Variants in XRN1 observed in about 807,000 individuals in gnomAD.
XRN1 encodes strand-exchange protein 1 homolog.
XRN1 carries 67 observed loss-of-function variants against 222.3 expected under a neutral mutation model. The observed-to-expected ratio is 0.30, with a 90% confidence interval of 0.25 to 0.37. XRN1 has a LOEUF of 0.37. XRN1 is among the 10% of genes least tolerant of loss of function. XRN1 has a pLI of 1.00. For synonymous variants in XRN1, 643 were observed against 652.4 expected (o/e 0.99, Z 0.22); for missense variants, 1,707 against 2,000.2 (o/e 0.85, Z 2.80).
intron 34 of XRN1, among the ~76,000 whole-genome samples, chr3:142,333,739 T>C (rs1294400251): frequency 6.6e-6 from 1 of 152,162 alleles, no homozygotes; most frequent in African/African-American, 2.4e-5. Flanking sequence ...TGTCCTTATA[T>C]GAATAGAAAG....
intron 25 of XRN1, among the ~76,000 whole-genome samples, chr3:142,373,241 TAAATC>T (rs896300950): frequency 1.3e-5 from 2 of 151,972 alleles, no homozygotes; most frequent in African/African-American, 4.8e-5. Flanking sequence ...TTAAAATGAT[TAAATC>T]AAATAGAAAT....
chr3:142,407,558 A>C (rs1281546517), intron 15 of XRN1: 2 of 152,108 alleles, frequency 1.3e-5, no homozygotes, highest in Non-Finnish European at 2.9e-5. Flanking sequence ...TGAACTCCTG[A>C]CCTCAAGTGA....
chr3:142,321,363 C>T (rs569785668), intron 37 of XRN1, among the ~76,000 whole-genome samples: 19 of 152,202 alleles, frequency 1.2e-4, no homozygotes, highest in African/African-American at 3.6e-4. Flanking sequence ...TCAAGCGATC[C>T]GCCTGCCTCG....
rs766098276 is a variant in XRN1, at chr3:142,405,019, T to C, written c.1771A>G (p.Lys591Glu). 6.2e-7 allele frequency: 1 copy of C among 1,614,042 alleles called. No homozygotes were observed. Among genetic ancestry groups the C allele is most frequent in the African/African-American group, 1.3e-5 (1 of 75,048 alleles). ...AGGCACTCACTATGTTGGTTTCTTTTCCTCTCTTCCTTTTTGAGGGAGTGG... is the reference window on the plus strand; with the variant it reads ...AGGCACTCACTATGTTGGTTTCTTTCCCTCTCTTCCTTTTTGAGGGAGTGG... ...CNHSLKKEER[K>E]RNQHSECLMC... The change falls in exon 16 of 41, where the codon AAA (lysine) becomes GAA (glutamate). Residue 591 changes from lysine to glutamate, a missense_variant. Physicochemically the swap from Lys to Glu is moderately conservative, Grantham distance 56. Coordinates refer to ENST00000392981, the MANE Select transcript of XRN1 (RefSeq NM_001282857.2).
At chr3:142,405,351 GA>G (rs2068302254) in intron 15 of XRN1, among the ~76,000 whole-genome samples, 2 of 152,094 alleles carry the variant, frequency 1.3e-5, no homozygotes, top group East Asian at 1.9e-4. Flanking sequence ...CAAGGCAGCA[GA>G]AAATCAAATT....
At chr3:142,351,121 TTATC>T (rs922775208) in intron 32 of XRN1, among the ~76,000 whole-genome samples, 1 of 152,200 alleles carries the variant, frequency 6.6e-6, no homozygotes, top group East Asian at 1.9e-4. Flanking sequence ...CTGTCTATAA[TTATC>T]TATCTATGTA....
intron 36 of XRN1, among the ~76,000 whole-genome samples, chr3:142,331,605 T>C (rs918671303): frequency 2.6e-5 from 4 of 152,310 alleles, no homozygotes; most frequent in African/African-American, 9.6e-5. Context: ...AGTTAAATAA[T>C]GTATTTAAGT....
chr3:142,426,627 C>T (rs1380439330), intron 3 of XRN1, 117 bp downstream of exon 3: 12 of 905,770 alleles, frequency 1.3e-5, no homozygotes, highest in Non-Finnish European at 1.8e-5. Context: ...TGGGAAAATA[C>T]AGTAAATGGA....
At chr3:142,415,209 A>G (rs1203882360) in intron 13 of XRN1, among the ~76,000 whole-genome samples, 1 of 152,238 alleles carries the variant, frequency 6.6e-6, no homozygotes, top group Non-Finnish European at 1.5e-5. Context: ...AATTACAGGT[A>G]TAAATATTTT....
At chr3:142,446,644 A>C (rs2070515689) in intron 1 of XRN1, among the ~76,000 whole-genome samples, 1 of 152,272 alleles carries the variant, frequency 6.6e-6, no homozygotes, top group Non-Finnish European at 1.5e-5. Context: ...TGACTGATAT[A>C]TAGCAGGTAC....
chr3:142,412,534 A>G lies in XRN1; in HGVS notation c.1713+10T>C. Reference sequence around the variant, plus strand: ...TGTATGTGTATGTAATGATTATTTCATGCACTGACCTCATCAATAAAAGGG... The same window carrying G: ...TGTATGTGTATGTAATGATTATTTCGTGCACTGACCTCATCAATAAAAGGG... On this transcript the variant is annotated intron_variant, in intron 15 of 40. Transcript: ENST00000392981. 2 of 1,582,338 alleles carry G rather than the reference A, an allele frequency of 1.3e-6. No homozygotes were observed. The highest frequency in any genetic ancestry group is 1.7e-6 in the Non-Finnish European group (2 of 1,159,810).
chr3:142,381,280 G>A (rs1208715642), intron 22 of XRN1, among the ~76,000 whole-genome samples: 1 of 151,954 alleles, frequency 6.6e-6, no homozygotes, highest in South Asian at 2.1e-4. Context: ...CAATATTTCA[G>A]TGTGTATTTC....
intron 29 of XRN1, among the ~76,000 whole-genome samples, chr3:142,361,945 TTTC>T (rs1242596762): frequency 2.0e-5 from 3 of 149,468 alleles, no homozygotes; most frequent in Non-Finnish European, 3.0e-5. Context: ...TTTCTCTTTG[TTTC>T]TTTTCTTTTT....
intron 31 of XRN1, among the ~76,000 whole-genome samples, chr3:142,356,577 T>C (rs1376487945): frequency 1.3e-5 from 2 of 152,188 alleles, no homozygotes; most frequent in African/African-American, 4.8e-5. Flanking sequence ...TTTATGTTAT[T>C]TATAGCAGAT....
At chr3:142,322,960 A>G (rs1157981369) in intron 37 of XRN1, among the ~76,000 whole-genome samples, 7 of 152,162 alleles carry the variant, frequency 4.6e-5, no homozygotes, top group African/African-American at 1.2e-4. Context: ...CTGAGATCAC[A>G]GCACTGCACT....
At chr3:142,323,267 A>G (rs2065411399) in intron 37 of XRN1, among the ~76,000 whole-genome samples, 1 of 152,146 alleles carries the variant, frequency 6.6e-6, no homozygotes, top group Non-Finnish European at 1.5e-5. Flanking sequence ...ACCTTAAACA[A>G]AATACCACTC....
intron 18 of XRN1, among the ~76,000 whole-genome samples, chr3:142,401,036 A>G (rs1449502791): frequency 6.6e-6 from 1 of 152,214 alleles, no homozygotes; most frequent in Non-Finnish European, 1.5e-5. Context: ...TTTTTATGGT[A>G]ACTGAGAAAA....
At chr3:142,446,338 T>A (rs2070502213) in intron 1 of XRN1, among the ~76,000 whole-genome samples, 1 of 152,206 alleles carries the variant, frequency 6.6e-6, no homozygotes, top group Non-Finnish European at 1.5e-5. Flanking sequence ...TTGAAAGGTA[T>A]CACAACAATG....
chr3:142,431,889 TATAATATATATATTATATATATA>T (rs1559879542), intron 2 of XRN1, among the ~76,000 whole-genome samples: 1 of 38,432 alleles, frequency 2.6e-5, no homozygotes, highest in African/African-American at 1.1e-4. Flanking sequence ...ATATATTATA[TATAATATATATATTATATATATA>T]AATATATATA....
Sources: gnomAD v4.1 joint callset for allele counts (sites outside exome capture counted in the v4.1 genomes callset) on GRCh38, gnomAD v4.1.1 for gene constraint, MANE v1.5 for transcripts, NCBI Gene and HGNC (gene_info 2026-07-23, HGNC 2026-07-21) for gene names.